The following INSR variants were observed in gnomAD, a reference collection of about 807,000 sequenced individuals.
INSR encodes IR.
INSR carries 67 observed loss-of-function variants against 142.6 expected under a neutral mutation model. That is an observed-to-expected ratio of 0.47 (90% CI 0.39 to 0.58). The LOEUF is 0.58. Ranked by LOEUF, INSR falls within the 20% of genes least tolerant of loss-of-function variation. The probability of loss-of-function intolerance (pLI) is 0.00; values close to 1 mark genes in which losing one functional copy is unlikely to be tolerated. For missense variants in INSR, 1,248 were observed against 1,833.2 expected, an observed-to-expected ratio of 0.68 and a Z score of 5.83; for synonymous variants, 756 against 743.1, an observed-to-expected ratio of 1.02 and a Z score of -0.28.
At position 7,153,041 on chromosome 19, in the gene INSR, C is replaced by CATA. The variant is rs1491181926; in HGVS notation, c.2030-115_2030-114insTAT. 12 of 356,540 alleles carry CATA rather than the reference C, an allele frequency of 3.4e-5. No individual in the cohort carries two copies. In the African/African-American group the frequency reaches 3.9e-4, roughly 12 times the overall value. 22.1% of individuals were successfully genotyped at this position (356,540 alleles called of 1,614,324 possible). A position where few individuals can be genotyped will look rare whatever the true frequency, so the allele number is the denominator to read the frequency against. On this transcript the variant is annotated intron_variant, in intron 9 of 21. Coordinates refer to ENST00000302850, the MANE Select transcript of INSR (RefSeq NM_000208.4). ...CACACACACACCACACACACACACA[C>CATA]CACACACCCCCCCACACACACACAC...
At chr19:7,193,516 AAAAC>A (rs1974656744) in intron 2 of INSR, among the ~76,000 whole-genome samples, 1 of 151,670 alleles carries the variant, frequency 6.6e-6, no homozygotes, top group Non-Finnish European at 1.5e-5. Context: ...ATCTCATAAA[AAAAC>A]AAACAAAAAA....
intron 11 of INSR, among the ~76,000 whole-genome samples, chr19:7,147,122 A>C (rs990990654): frequency 2.6e-5 from 4 of 152,166 alleles, no homozygotes; most frequent in African/African-American, 9.7e-5. Flanking sequence ...AAAGGACTTC[A>C]ATGGAAGTTT....
At chr19:7,250,829 T>C (rs1270897928) in intron 2 of INSR, among the ~76,000 whole-genome samples, 1 of 151,624 alleles carries the variant, frequency 6.6e-6, no homozygotes, top group Non-Finnish European at 1.5e-5. Flanking sequence ...GTCCAAGAGG[T>C]AGAACCTGAG....
Position 7,153,052 on chromosome 19 carries a change from CCCA to C in INSR, c.2030-128_2030-126del, listed in dbSNP as rs1351709572. ...CACACACACACACACCACACACCCC[CCCA>C]CACACACACACCACACACATCACAC... On this transcript the variant is annotated intron_variant, in intron 9 of 21. Coordinates refer to ENST00000302850, the MANE Select transcript of INSR (RefSeq NM_000208.4). 4.0e-4 allele frequency: 150 copies of C among 376,746 alleles called. 1 individual carries two copies. Among genetic ancestry groups the C allele is most frequent in the East Asian group, 2.1e-3 (51 of 24,070 alleles). 23.3% of individuals were successfully genotyped at this position (376,746 alleles called of 1,614,324 possible).
At position 7,117,361 on chromosome 19, in the gene INSR, T is replaced by C. The variant is rs55875349; in HGVS notation, c.3844A>G (p.Thr1282Ala). The change falls in exon 22 of 22, where the codon ACC (threonine) becomes GCC (alanine). Residue 1282 changes from threonine to alanine, a missense_variant. Transcript: ENST00000302850. ...CWQFNPKMRP[T>A]FLEIVNLLKD... ...AGCAGGTTGACAATCTCCAGGAAGG[T>C]TGGCCTCATCTTGGGGTTGAATTGC... The C allele has an allele frequency of 1.5e-5, 24 of 1,613,934 alleles. No individual in the cohort carries two copies. The East Asian group carries it at 2.9e-4, about 19-fold the overall frequency.
chr19:7,234,749 T>C (rs1976104662), intron 2 of INSR, among the ~76,000 whole-genome samples: 1 of 152,108 alleles, frequency 6.6e-6, no homozygotes, highest in Non-Finnish European at 1.5e-5. Flanking sequence ...CAAGGGTTTT[T>C]CAAAAATCTC....
rs1274827222 is a variant in INSR at position 7,114,788 on chromosome 19, T to C, written c.*2268A>G. 6.6e-6 allele frequency: 1 copy of C among 152,582 alleles called. No individual in the cohort carries two copies. The highest frequency in any genetic ancestry group is 1.9e-4 in the East Asian group (1 of 5,206). The allele number at this position is 152,582 out of a possible 1,614,324, so 9.5% of individuals were successfully genotyped here. ...GAGTGATTTTATATATTAAAATAAA[T>C]ACTTTTTCCCCTAATATAAGAAAAA... On this transcript the variant is annotated 3_prime_UTR_variant, in exon 22 of 22. Coordinates refer to ENST00000302850, the MANE Select transcript of INSR (RefSeq NM_000208.4).
chr19:7,180,273 T>A (rs1022269933), intron 3 of INSR, among the ~76,000 whole-genome samples: 3 of 152,102 alleles, frequency 2.0e-5, no homozygotes, highest in Admixed American at 2.0e-4. Flanking sequence ...TCAGGCCCTG[T>A]AATCTCAGCA....
chr19:7,230,529 G>T (rs1216906899), intron 2 of INSR, among the ~76,000 whole-genome samples: 1 of 152,176 alleles, frequency 6.6e-6, no homozygotes, highest in Non-Finnish European at 1.5e-5. Flanking sequence ...TACCTTGGCT[G>T]GGTGAGGTGC....
intron 11 of INSR, among the ~76,000 whole-genome samples, chr19:7,149,534 G>A (rs962129619): frequency 1.3e-5 from 2 of 151,954 alleles, no homozygotes; most frequent in African/African-American, 4.8e-5. Flanking sequence ...GAAAAGAAAC[G>A]TCCCTGGCCA....
chr19:7,244,815 T>TA (rs1976479141), intron 2 of INSR, among the ~76,000 whole-genome samples: 1 of 152,134 alleles, frequency 6.6e-6, no homozygotes, highest in South Asian at 2.1e-4. Flanking sequence ...CATGTTTATG[T>TA]AAAATTAAAG....
intron 2 of INSR, among the ~76,000 whole-genome samples, chr19:7,261,567 G>A (rs1231682493): frequency 9.5e-6 from 1 of 105,714 alleles, no homozygotes; most frequent in East Asian, 2.0e-4. Flanking sequence ...GTTTCACTCT[G>A]TCGGCCAGGC....
chr19:7,241,119 A>G (rs1190916752), intron 2 of INSR, among the ~76,000 whole-genome samples: 1 of 152,040 alleles, frequency 6.6e-6, no homozygotes, highest in Non-Finnish European at 1.5e-5. Context: ...TGACAAAGAG[A>G]ACTCCAACTG....
At chr19:7,144,374 T>C (rs969423731) in intron 11 of INSR, among the ~76,000 whole-genome samples, 8 of 152,122 alleles carry the variant, frequency 5.3e-5, no homozygotes, top group African/African-American at 1.9e-4. Context: ...ATTTGCTACG[T>C]GAGTCGTCAC....
chr19:7,273,398 G>T (rs915656157), intron 1 of INSR, among the ~76,000 whole-genome samples: 1 of 152,128 alleles, frequency 6.6e-6, no homozygotes, highest in African/African-American at 2.4e-5. Flanking sequence ...CTGAGTGGGC[G>T]TGAAGGATGC....
At chr19:7,281,654 C>G (rs1031972003) in intron 1 of INSR, among the ~76,000 whole-genome samples, 3 of 151,992 alleles carry the variant, frequency 2.0e-5, no homozygotes, top group Non-Finnish European at 4.4e-5. Flanking sequence ...GCACTCCAGC[C>G]GGGATGACAG....
intron 13 of INSR, among the ~76,000 whole-genome samples, chr19:7,140,426 G>C (rs1479256568): frequency 6.6e-6 from 1 of 152,212 alleles, no homozygotes; most frequent in African/African-American, 2.4e-5. Flanking sequence ...GAATTGAGTA[G>C]TTGTAACAGA....
chr19:7,180,047 A>T (rs1974233557), intron 3 of INSR, among the ~76,000 whole-genome samples: 1 of 152,234 alleles, frequency 6.6e-6, no homozygotes. Context: ...AAGACACAAG[A>T]GGCTCCCCTA....
chr19:7,277,879 G>A (rs1968107537), intron 1 of INSR, among the ~76,000 whole-genome samples: 7 of 151,480 alleles, frequency 4.6e-5, no homozygotes, highest in Admixed American at 4.6e-4. Flanking sequence ...ATCACTTGAG[G>A]TCAGGAGTTC....
Sources: gnomAD v4.1 joint callset for allele counts (sites outside exome capture counted in the v4.1 genomes callset) on GRCh38, gnomAD v4.1.1 for gene constraint, MANE v1.5 for transcripts, NCBI Gene and HGNC (gene_info 2026-07-23, HGNC 2026-07-21) for gene names.